Variants in TMEM181 observed in about 807,000 individuals in gnomAD.
The protein encoded by TMEM181 is G protein-coupled receptor 178.
In TMEM181, 39 loss-of-function variants were observed where a neutral mutation model predicts 71.9. The observed-to-expected ratio is 0.54, with a 90% CI of 0.42 to 0.71. The LOEUF is 0.71. Among genes scored for constraint, TMEM181 ranks in the 30% least tolerant of loss-of-function variants. The pLI, the probability that TMEM181 is intolerant of heterozygous loss-of-function variation, is 0.00. For missense variants in TMEM181, 595 were observed against 583.0 expected, an observed-to-expected ratio of 1.02 and a Z score of -0.21; for synonymous variants, 245 against 228.8, an observed-to-expected ratio of 1.07 and a Z score of -0.64.
At chr6:158,630,298 C>G (rs1053687837) in intron 15 of TMEM181, among the ~76,000 whole-genome samples, 1 of 152,048 alleles carries the variant, frequency 6.6e-6, no homozygotes, top group Non-Finnish European at 1.5e-5. Context: ...GAGTTTGAAA[C>G]CAGCCTGGGG....
intron 5 of TMEM181, among the ~76,000 whole-genome samples, chr6:158,587,180 C>T (rs1045347844): frequency 3.9e-5 from 6 of 152,168 alleles, no homozygotes; most frequent in East Asian, 1.9e-4. Context: ...GTTTTAAAAT[C>T]GGGACAAGTG....
chr6:158,611,848 G>A (rs1039836254), intron 10 of TMEM181, among the ~76,000 whole-genome samples: 4 of 152,270 alleles, frequency 2.6e-5, no homozygotes, highest in Admixed American at 2.6e-4. Context: ...CAGGCTAAGA[G>A]TATTTAAGGG....
chr6:158,571,594 G>A (rs762956553), intron 1 of TMEM181, among the ~76,000 whole-genome samples: 8 of 152,312 alleles, frequency 5.3e-5, no homozygotes, highest in Non-Finnish European at 8.8e-5. Context: ...CACCGCGCCC[G>A]GCCATCTGCA....
intron 10 of TMEM181, among the ~76,000 whole-genome samples, chr6:158,618,252 T>C (rs1211217839): frequency 6.6e-6 from 1 of 152,252 alleles, no homozygotes; most frequent in Non-Finnish European, 1.5e-5. Flanking sequence ...TTGTCTCTTT[T>C]GATCTTTGTT....
At position 158,600,458 on chromosome 6, in the gene TMEM181, ATT is replaced by A. The variant is rs61457107; in HGVS notation, c.493-4782_493-4781del. ...AGTCACCGTGCCTGGCCTAGGGTTAATTTTTTTTTTTTTTTTTTTTTTTTTTT... is the reference window on the plus strand; with the variant it reads ...AGTCACCGTGCCTGGCCTAGGGTTAATTTTTTTTTTTTTTTTTTTTTTTTT... On this transcript the variant is annotated intron_variant, in intron 6 of 16. Transcript: ENST00000684151. Among the ~76,000 whole-genome samples the A allele has an allele frequency of 7.2e-3, 663 of 91,772 alleles. 5 individuals are homozygous for A. The highest frequency in any genetic ancestry group is 0.01 in the Non-Finnish European group (481 of 46,088). The allele number at this position is 91,772 out of a possible 152,430, so 60.2% of individuals were successfully genotyped here.
At chr6:158,588,594 C>T (rs536470702) in intron 5 of TMEM181, among the ~76,000 whole-genome samples, 2 of 152,262 alleles carry the variant, frequency 1.3e-5, no homozygotes, top group East Asian at 3.9e-4. Context: ...GGATTACAGG[C>T]GCCTGCCACC....
Position 158,633,863 on chromosome 6 carries a change from A to G in TMEM181, c.*1975A>G, listed in dbSNP as rs1786795755. ...TTACCAAATTTTACAACTTCTAATA[A>G]GACTACTATAACTTTATGTAAACTG... On this transcript the variant is annotated 3_prime_UTR_variant, in exon 17 of 17. Coordinates refer to ENST00000684151, the MANE Select transcript of TMEM181 (RefSeq NM_001376852.1). The G allele has an allele frequency of 6.6e-6, 1 of 152,198 alleles. No homozygotes were observed. The highest frequency in any genetic ancestry group is 6.5e-5 in the Admixed American group (1 of 15,278). The allele number at this position is 152,198 out of a possible 1,614,324, so 9.4% of individuals were successfully genotyped here.
chr6:158,580,361 A>G (rs986569824), intron 2 of TMEM181, among the ~76,000 whole-genome samples: 1 of 152,196 alleles, frequency 6.6e-6, no homozygotes, highest in Non-Finnish European at 1.5e-5. Context: ...TTGGATCTGT[A>G]GGAAAAAAAA....
chr6:158,619,885 AAAAAG>A (rs1311246384), intron 10 of TMEM181, among the ~76,000 whole-genome samples: 4 of 104,814 alleles, frequency 3.8e-5, no homozygotes, highest in South Asian at 2.7e-4. Context: ...AAAAAAAAAA[AAAAAG>A]GAGGATGTCA....
Position 158,560,249 on chromosome 6 carries a change from G to C in TMEM181, c.8+17G>C, listed in dbSNP as rs1252361064. 1.0e-6 allele frequency: 1 copy of C among 984,234 alleles called. No homozygotes were observed. Among genetic ancestry groups the C allele is most frequent in the South Asian group, 4.7e-5 (1 of 21,288 alleles). The allele number at this position is 984,234 out of a possible 1,614,324, so 61.0% of individuals were successfully genotyped here. On this transcript the variant is annotated intron_variant, in intron 1 of 16. Coordinates refer to ENST00000684151, the MANE Select transcript of TMEM181 (RefSeq NM_001376852.1). ...GATGGAGCCGTGAGTCCCCGGCCGAGCGGGCGGGCTGGCTGGCTCTCCGGA... is the reference window on the plus strand; with the variant it reads ...GATGGAGCCGTGAGTCCCCGGCCGACCGGGCGGGCTGGCTGGCTCTCCGGA...
intron 6 of TMEM181, among the ~76,000 whole-genome samples, chr6:158,596,559 A>C (rs1169174764): frequency 1.3e-5 from 2 of 152,288 alleles, no homozygotes; most frequent in Non-Finnish European, 2.9e-5. Flanking sequence ...TGTTTCACTA[A>C]CCAGCTCTTC....
chr6:158,539,039 T>A (rs1446552092), intron 1 of TMEM181, among the ~76,000 whole-genome samples: 3 of 152,196 alleles, frequency 2.0e-5, no homozygotes, highest in Non-Finnish European at 4.4e-5. Flanking sequence ...TAGAGGATTT[T>A]ACACGGGACA....
At chr6:158,628,262 G>A (rs748386942) in intron 13 of TMEM181, 146 bp from the exon 14 acceptor site, 1 of 745,284 alleles carries the variant, frequency 1.3e-6, no homozygotes, top group Non-Finnish European at 2.4e-6. Flanking sequence ...ATCTGTGCGT[G>A]CATCTGTGCA....
At chr6:158,542,525 G>A (rs1781390876) in intron 1 of TMEM181, among the ~76,000 whole-genome samples, 1 of 152,202 alleles carries the variant, frequency 6.6e-6, no homozygotes. Context: ...GCTCTTCCTG[G>A]TGTTTACCTA....
intron 1 of TMEM181, among the ~76,000 whole-genome samples, chr6:158,537,731 T>A (rs1781178422): frequency 6.6e-6 from 1 of 152,122 alleles, no homozygotes; most frequent in Admixed American, 6.5e-5. Context: ...AAAGCTGAGG[T>A]TTAATCATGA....
In TMEM181 at chr6:158,624,112, G is replaced by A. The variant is rs375159779; in HGVS notation, c.954+505G>A. ...TACTCCCAGTCTTTGGTTTGTGGCTGACGCAGTTTGAGGCCCTGTCACTGT... is the reference window on the plus strand; with the variant it reads ...TACTCCCAGTCTTTGGTTTGTGGCTAACGCAGTTTGAGGCCCTGTCACTGT... On this transcript the variant is annotated intron_variant, in intron 11 of 16. Transcript: ENST00000684151. 3.2e-4 allele frequency among the ~76,000 whole-genome samples: 48 copies of A among 152,336 alleles called. 1 individual carries two copies. The highest frequency in any genetic ancestry group is 1.1e-3 in the African/African-American group (45 of 41,582).
chr6:158,628,903 C>T (rs1395093100), intron 14 of TMEM181, among the ~76,000 whole-genome samples: 1 of 152,242 alleles, frequency 6.6e-6, no homozygotes, highest in Non-Finnish European at 1.5e-5. Context: ...TGTGGGGTGG[C>T]TGAGGGCTGC....
intron 13 of TMEM181, 43 bp from the exon 14 acceptor site, chr6:158,628,365 C>T (rs747122457): frequency 8.2e-6 from 13 of 1,589,862 alleles, no homozygotes; most frequent in South Asian, 2.2e-5. Context: ...GTGCCGTTTT[C>T]GTGCATGTTT....
At chr6:158,621,500 C>G (rs1461735282) in intron 10 of TMEM181, 6 of 201,800 alleles carry the variant, frequency 3.0e-5, no homozygotes, top group Non-Finnish European at 4.5e-5. Context: ...CCAGCCCGTC[C>G]TGAACCCAAC....
Sources: allele counts gnomAD v4.1 joint callset (sites outside exome capture counted in the v4.1 genomes callset), GRCh38; gene constraint gnomAD v4.1.1; transcripts MANE v1.5; gene names NCBI Gene and HGNC (gene_info 2026-07-23, HGNC 2026-07-21).